Variants in KIAA1217 observed in about 807,000 individuals in gnomAD.
KIAA1217 encodes sickle tail protein homolog.
In KIAA1217, 88 loss-of-function variants were observed where a neutral mutation model predicts 163.9. The ratio of observed to expected loss-of-function variants is 0.54; its 90% CI spans 0.45 to 0.64. The LOEUF (loss-of-function observed/expected upper bound fraction) is 0.64, where lower values mean the gene tolerates loss of function less well. Among genes scored for constraint, KIAA1217 ranks in the 30% least tolerant of loss-of-function variants. The pLI, the probability that KIAA1217 is intolerant of heterozygous loss-of-function variation, is 0.00. For missense variants in KIAA1217, 2,372 were observed against 2,475.0 expected (o/e 0.96, Z 0.88); for synonymous variants, 903 against 923.1 (o/e 0.98, Z 0.39).
chr10:24,542,365 T>G (rs2075219784), intron 17 of KIAA1217: 1 of 376,324 alleles, frequency 2.7e-6, no homozygotes, highest in East Asian at 5.8e-5. Context: ...GGTTTTAAAT[T>G]CTGCTAAGCT....
intron 1 of KIAA1217, among the ~76,000 whole-genome samples, chr10:23,796,071 A>G (rs1564428784): frequency 6.6e-6 from 1 of 152,118 alleles, no homozygotes. Context: ...TCCCTGCTCC[A>G]TGTCAATCTT....
At chr10:23,705,582 T>C (rs905641357) in intron 1 of KIAA1217, among the ~76,000 whole-genome samples, 3 of 152,208 alleles carry the variant, frequency 2.0e-5, no homozygotes, top group Non-Finnish European at 4.4e-5. Flanking sequence ...GTCTTAATGT[T>C]ATTTTATTGA....
chr10:23,854,531 C>T lies in KIAA1217; in HGVS notation c.-320-152694C>T, dbSNP rs538543409. 5.7e-3 allele frequency among the ~76,000 whole-genome samples: 831 copies of T among 146,974 alleles called. 6 individuals carry two copies. Among genetic ancestry groups the T allele is most frequent in the African/African-American group, 0.022 (799 of 36,722 alleles). The stretch of plus-strand genomic sequence containing the variant: ...GAGTTCTGTAGATGTCTATTAGATC[C>T]GCTTGGTGCAGAGCTGAGTTCAATT... On this transcript the variant is annotated intron_variant, in intron 1 of 18. Transcript: ENST00000376462.
chr10:24,138,850 C>T (rs1020741137), intron 2 of KIAA1217, among the ~76,000 whole-genome samples: 2 of 152,124 alleles, frequency 1.3e-5, no homozygotes, highest in Non-Finnish European at 2.9e-5. Context: ...ATATCAAAGA[C>T]TTCAGTGTCG....
intron 1 of KIAA1217, among the ~76,000 whole-genome samples, chr10:23,909,397 AAACT>A (rs1481770862): frequency 6.6e-6 from 1 of 152,078 alleles, no homozygotes; most frequent in Non-Finnish European, 1.5e-5. Flanking sequence ...AAAAAAAGAA[AAACT>A]AACTGTTGGG....
intron 2 of KIAA1217, among the ~76,000 whole-genome samples, chr10:24,046,426 A>G (rs1849032707): frequency 6.6e-6 from 1 of 152,180 alleles, no homozygotes; most frequent in Non-Finnish European, 1.5e-5. Flanking sequence ...ACACTGCTGT[A>G]AAGAACTACC....
chr10:24,024,055 C>A (rs1274982652), intron 2 of KIAA1217, among the ~76,000 whole-genome samples: 1 of 151,284 alleles, frequency 6.6e-6, no homozygotes, highest in Non-Finnish European at 1.5e-5. Flanking sequence ...CAGGTGTATA[C>A]ATGTGTAAAA....
chr10:24,014,061 C>A (rs185571979), intron 2 of KIAA1217, among the ~76,000 whole-genome samples: 5 of 152,112 alleles, frequency 3.3e-5, no homozygotes, highest in African/African-American at 9.7e-5. Context: ...AGGTGAGATA[C>A]CAACACATTC....
chr10:23,766,587 C>CTTTTTT (rs766892555), intron 1 of KIAA1217, among the ~76,000 whole-genome samples: 16 of 133,766 alleles, frequency 1.2e-4, no homozygotes, highest in African/African-American at 3.0e-4. Flanking sequence ...TTCTTTCTTT[C>CTTTTTT]TTTTTTCTTT....
At chr10:24,217,664 T>C (rs906444591) in intron 1 of KIAA1217, among the ~76,000 whole-genome samples, 4 of 151,820 alleles carry the variant, frequency 2.6e-5, no homozygotes, top group Non-Finnish European at 4.4e-5. Context: ...TTCAGGAAAC[T>C]GGTTTATGCC....
At chr10:23,994,051 C>A (rs550847945) in intron 1 of KIAA1217, among the ~76,000 whole-genome samples, 97 of 152,152 alleles carry the variant, frequency 6.4e-4, no homozygotes, top group Non-Finnish European at 1.0e-3. Flanking sequence ...GGCTTAGCGA[C>A]TACTCTAGCT....
chr10:24,538,589 G>GAA (rs1220595814), intron 17 of KIAA1217, among the ~76,000 whole-genome samples: 1 of 70,064 alleles, frequency 1.4e-5, no homozygotes, highest in Non-Finnish European at 3.3e-5. Context: ...AGGAAGGAAG[G>GAA]AAGGAAGGAA....
intron 1 of KIAA1217, among the ~76,000 whole-genome samples, chr10:23,762,816 G>A (rs1809152102): frequency 6.6e-6 from 1 of 152,142 alleles, no homozygotes; most frequent in African/African-American, 2.4e-5. Context: ...AGGAAGAGAG[G>A]AAGTCAAATT....
Position 24,016,814 on chromosome 10 carries a change from A to G in KIAA1217, c.-171+9440A>G, listed in dbSNP as rs371335216. Among the ~76,000 whole-genome samples, 10 of 152,176 alleles carry G rather than the reference A, an allele frequency of 6.6e-5. No homozygotes were observed. The East Asian group carries it at 1.4e-3, about 21-fold the overall frequency. On this transcript the variant is annotated intron_variant, in intron 2 of 18. Coordinates refer to the KIAA1217 transcript ENST00000376462. ...CATACATTTATTTTAAGGATTGAAC[A>G]TGATAAAATATATAAAGCACTAAAA... is the stretch of plus-strand genomic sequence containing the variant.
At chr10:23,949,887 A>G (rs1844248871) in intron 1 of KIAA1217, among the ~76,000 whole-genome samples, 1 of 152,222 alleles carries the variant, frequency 6.6e-6, no homozygotes, top group African/African-American at 2.4e-5. Context: ...TGGAATCACA[A>G]TGATAGCACC....
At chr10:24,345,756 C>T (rs913359099) in intron 2 of KIAA1217, among the ~76,000 whole-genome samples, 1 of 151,992 alleles carries the variant, frequency 6.6e-6, no homozygotes, top group South Asian at 2.1e-4. Context: ...GCTTTTTTCC[C>T]CCTTTCTCAT....
chr10:23,960,633 A>T (rs1394870916), intron 1 of KIAA1217, among the ~76,000 whole-genome samples: 1 of 152,260 alleles, frequency 6.6e-6, no homozygotes, highest in East Asian at 1.9e-4. Flanking sequence ...TAAAGGAAAT[A>T]GCTGAATGTA....
chr10:24,301,110 G>C (rs2041271425), intron 2 of KIAA1217, among the ~76,000 whole-genome samples: 1 of 152,144 alleles, frequency 6.6e-6, no homozygotes, highest in Admixed American at 6.5e-5. Flanking sequence ...CCCGCAACTG[G>C]CCAGGTCTGC....
At chr10:24,075,229 G>C (rs929309929) in intron 2 of KIAA1217, among the ~76,000 whole-genome samples, 1 of 151,248 alleles carries the variant, frequency 6.6e-6, no homozygotes, top group African/African-American at 2.4e-5. Context: ...CCTAAATGAA[G>C]GCAGTCCTCC....
Sources: allele counts gnomAD v4.1 joint callset (sites outside exome capture counted in the v4.1 genomes callset), GRCh38; gene constraint gnomAD v4.1.1; transcripts MANE v1.5; gene names NCBI Gene and HGNC (gene_info 2026-07-23, HGNC 2026-07-21).